The following IPO5 variants were observed in gnomAD, a reference collection of about 807,000 sequenced individuals.
IPO5 encodes importin-5.
Under a neutral mutation model 143.3 loss-of-function variants are expected in IPO5, and 18 were observed. The ratio of observed to expected loss-of-function variants is 0.13; its 90% confidence interval spans 0.09 to 0.19. The LOEUF (loss-of-function observed/expected upper bound fraction) is 0.19, where lower values mean the gene tolerates loss of function less well. Among genes scored for constraint, IPO5 ranks in the 10% least tolerant of loss-of-function variants. IPO5 has a pLI of 1.00. For synonymous variants in IPO5, 477 were observed against 465.7 expected (o/e 1.02, Z -0.31); for missense variants, 1,013 against 1,336.9 (o/e 0.76, Z 3.78).
Position 98,002,499 on chromosome 13 carries a change from G to T in IPO5, c.1141G>T (p.Ala381Ser). The T allele has an allele frequency of 6.2e-7, 1 of 1,613,952 alleles. No individual in the cohort carries two copies. Among genetic ancestry groups the T allele is most frequent in the Non-Finnish European group, 8.5e-7 (1 of 1,179,892 alleles). The change falls in exon 14 of 29, where the codon GCC (alanine) becomes TCC (serine). Residue 381 changes from alanine to serine, a missense_variant. Around this residue, in one of 2 missense-constraint regions of IPO5, gnomAD observed 685 missense variants for 994.9 expected, o/e 0.69. Coordinates refer to ENST00000651721, the MANE Select transcript of IPO5 (RefSeq NM_002271.6). ...DWKYRHAGLM[A>S]LSAIGEGCHQ... Reference sequence around the variant, plus strand: ...GAAATACCGGCATGCAGGATTGATGGCCTTATCTGCCATTGGTGAAGGGTG... The same window carrying T: ...GAAATACCGGCATGCAGGATTGATGTCCTTATCTGCCATTGGTGAAGGGTG...
intron 9 of IPO5, 133 bp from the exon 10 acceptor site, chr13:97,992,759 A>G (rs1223973796): frequency 2.2e-6 from 2 of 920,484 alleles, no homozygotes; most frequent in African/African-American, 1.7e-5. Flanking sequence ...TTTGCATAAT[A>G]TAGATTGCTA....
intron 20 of IPO5, among the ~76,000 whole-genome samples, chr13:98,011,176 TTC>T (rs1459936714): frequency 3.5e-4 from 53 of 152,330 alleles, no homozygotes; most frequent in African/African-American, 1.1e-3. Flanking sequence ...TGTGGGTTTT[TTC>T]TCTCAACTGG....
At chr13:97,994,963 C>G (rs1330994706) in intron 11 of IPO5, among the ~76,000 whole-genome samples, 1 of 151,666 alleles carries the variant, frequency 6.6e-6, no homozygotes, top group Non-Finnish European at 1.5e-5. Context: ...CTTTCTCTGC[C>G]AAAAATACAA....
At chr13:97,982,050 T>G (rs1886891379) in intron 4 of IPO5, 1 of 155,176 alleles carries the variant, frequency 6.4e-6, no homozygotes, top group Non-Finnish European at 1.4e-5. Flanking sequence ...CTGACTTACT[T>G]CCAGGTGTGT....
rs1566454683 is a variant in IPO5, at chr13:97,969,171, A to ATTTT, written c.-112-551_-112-550insTTTT. 2.1e-3 allele frequency among the ~76,000 whole-genome samples: 153 copies of ATTTT among 71,186 alleles called. 2 individuals carry two copies. The highest frequency in any genetic ancestry group is 9.5e-3 in the African/African-American group (132 of 13,864). The allele number at this position is 71,186 out of a possible 152,430, so 46.7% of individuals were successfully genotyped here. A position where few individuals can be genotyped will look rare whatever the true frequency, so the allele number is the denominator to read the frequency against. On this transcript the variant is annotated intron_variant, in intron 2 of 28. Transcript: ENST00000651721. ...CTGCTAAGTATATATATATATATAT[A>ATTTT]TATATTTTTTTTTTTTTTTTTTTTT...
At chr13:98,018,052 A>G (rs150938546) in intron 25 of IPO5, among the ~76,000 whole-genome samples, 29 of 152,248 alleles carry the variant, frequency 1.9e-4, no homozygotes, top group African/African-American at 5.8e-4. Flanking sequence ...TCAATTTTGC[A>G]TTTTATTGTA....
intron 2 of IPO5, among the ~76,000 whole-genome samples, chr13:97,966,125 C>T (rs948335625): frequency 2.3e-5 from 3 of 131,096 alleles, no homozygotes; most frequent in East Asian, 2.6e-4. Context: ...CAGAGCAAGG[C>T]CCCCTCTCAA....
At chr13:97,965,555 TACAA>T (rs1260552486) in intron 2 of IPO5, among the ~76,000 whole-genome samples, 1 of 152,194 alleles carries the variant, frequency 6.6e-6, no homozygotes, top group East Asian at 1.9e-4. Context: ...ATTTTCAGCA[TACAA>T]GTTCTACAGT....
intron 4 of IPO5, among the ~76,000 whole-genome samples, chr13:97,978,441 G>A (rs961211934): frequency 6.6e-6 from 1 of 152,144 alleles, no homozygotes; most frequent in South Asian, 2.1e-4. Context: ...AGTACTATGC[G>A]CAGGAGTACA....
At position 98,021,056 on chromosome 13, in the gene IPO5, G is replaced by A; in HGVS notation, c.3130G>A (p.Glu1044Lys). Residue 1044 changes from glutamate (E) to lysine (K), a missense_variant, in exon 28 of 29, where the codon GAA becomes AAA. This residue lies in a region of IPO5 where 685 missense variants were observed against 994.9 expected (regional missense o/e 0.69). Coordinates refer to ENST00000651721, the MANE Select transcript of IPO5 (RefSeq NM_002271.6). ...NLPKIFSIIAEGEMHEAIKHE... is the reference protein window; with the variant it reads ...NLPKIFSIIAKGEMHEAIKHE... ...GCCCAAAATATTTAGTATAATTGCG[G>A]AAGGAGAAATGCACGAGGCAATTAA... 2 of 1,612,036 alleles carry A rather than the reference G, an allele frequency of 1.2e-6. No individual in the cohort carries two copies. The highest frequency in any genetic ancestry group is 1.7e-6 in the Non-Finnish European group (2 of 1,179,268).
chr13:97,982,726 A>G, intron 5 of IPO5, 143 bp downstream of exon 5: 1 of 627,842 alleles, frequency 1.6e-6, no homozygotes. Flanking sequence ...GCTAAAAGCT[A>G]CTTAGGAGTT....
intron 7 of IPO5, among the ~76,000 whole-genome samples, 183 bp downstream of exon 7, chr13:97,989,347 T>C (rs1385158050): frequency 6.6e-6 from 1 of 152,242 alleles, no homozygotes; most frequent in Non-Finnish European, 1.5e-5. Flanking sequence ...TTTCACATTA[T>C]GATCTTTTTT....
At chr13:97,954,930 C>T (rs1884360013) in intron 2 of IPO5, among the ~76,000 whole-genome samples, 1 of 152,054 alleles carries the variant, frequency 6.6e-6, no homozygotes, top group South Asian at 2.1e-4. Context: ...TTATAAACCT[C>T]CAAATGAAAA....
chr13:97,998,471 G>C (rs965598543), intron 12 of IPO5, among the ~76,000 whole-genome samples: 3 of 152,160 alleles, frequency 2.0e-5, no homozygotes, highest in African/African-American at 7.2e-5. Flanking sequence ...TATTTTCCTA[G>C]TAAAAAGCAG....
intron 21 of IPO5, among the ~76,000 whole-genome samples, chr13:98,012,827 T>A (rs75597026): frequency 1.1e-4 from 12 of 110,294 alleles, no homozygotes; most frequent in Admixed American, 3.6e-4. Context: ...TTTTTTTTTT[T>A]AAGAGATAAG....
At chr13:97,997,396 TG>T (rs1220985248) in intron 11 of IPO5, 134 bp from the exon 12 acceptor site, 24 of 448,884 alleles carry the variant, frequency 5.3e-5, no homozygotes, top group Non-Finnish European at 7.2e-5. Flanking sequence ...AACCAGGTTT[TG>T]GGGGCACAGA....
chr13:98,004,895 A>AT (rs201291940), intron 16 of IPO5, among the ~76,000 whole-genome samples: 1,726 of 145,564 alleles, frequency 0.012, 22 homozygotes, highest in Middle Eastern at 0.034. Flanking sequence ...ATTTTATTTT[A>AT]TTTATTTATT....
intron 22 of IPO5, 82 bp downstream of exon 22, chr13:98,014,296 G>A (rs1889943091): frequency 5.2e-6 from 5 of 963,116 alleles, no homozygotes; most frequent in Admixed American, 2.4e-5. Flanking sequence ...AAAAAAATTT[G>A]AGACAGGGTA....
chr13:97,996,346 C>G (rs902138682), intron 11 of IPO5, among the ~76,000 whole-genome samples: 1 of 151,998 alleles, frequency 6.6e-6, no homozygotes, highest in African/African-American at 2.4e-5. Context: ...CCAGCAGGCC[C>G]AGTCAGGAAA....
Sources: allele counts gnomAD v4.1 joint callset (sites outside exome capture counted in the v4.1 genomes callset), GRCh38; gene constraint gnomAD v4.1.1; regional missense constraint gnomAD v4.1.1; transcripts MANE v1.5; gene names NCBI Gene and HGNC (gene_info 2026-07-23, HGNC 2026-07-21).